The following CRIM1 variants were observed in gnomAD, a reference collection of about 807,000 sequenced individuals.
The protein encoded by CRIM1 is cysteine-rich motor neuron 1 protein.
CRIM1 carries 32 observed loss-of-function variants against 116.4 expected under a neutral mutation model. The ratio of observed to expected loss-of-function variants is 0.27; its 90% confidence interval spans 0.21 to 0.37. The LOEUF (loss-of-function observed/expected upper bound fraction) is 0.37. Among genes scored for constraint, CRIM1 ranks in the 10% least tolerant of loss-of-function variants. The probability of loss-of-function intolerance (pLI) is 1.00; values close to 1 mark genes in which losing one functional copy is unlikely to be tolerated. For missense variants in CRIM1, 1,331 were observed against 1,354.8 expected (o/e 0.98, Z 0.28); for synonymous variants, 590 against 509.2 (o/e 1.16, Z -2.13).
chr2:36,441,303 C>G lies in CRIM1; in HGVS notation c.551C>G (p.Ser184Cys), dbSNP rs1268455842. 1.2e-6 allele frequency: 2 copies of G among 1,614,104 alleles called. No individual in the cohort carries two copies. The highest frequency in any genetic ancestry group is 1.7e-6 in the Non-Finnish European group (2 of 1,180,032). ...CSKARCEVQF[S>C]PRCPEDSVLI... ...AAGGCCCGCTGTGAAGTCCAGTTCT[C>G]TCCACGTTGTCCTGAAGATTCTGTT... The change falls in exon 3 of 17, where the codon TCT (serine) becomes TGT (cysteine). Residue 184 changes from serine to cysteine, a missense_variant. This residue lies in a region of CRIM1 where 690 missense variants were observed against 676.0 expected (regional missense o/e 1.02). Transcript: ENST00000280527.
chr2:36,500,089 G>C (rs1248249996), intron 8 of CRIM1, among the ~76,000 whole-genome samples: 8 of 152,260 alleles, frequency 5.3e-5, no homozygotes, highest in African/African-American at 4.8e-5. Context: ...CACTCTGGGA[G>C]GCTAAGGCAG....
intron 8 of CRIM1, among the ~76,000 whole-genome samples, chr2:36,500,172 A>T (rs1355492076): frequency 2.6e-5 from 4 of 152,090 alleles, no homozygotes; most frequent in African/African-American, 9.7e-5. Flanking sequence ...TACCAAAAAT[A>T]CAAAAAAAAA....
chr2:36,396,329 AGTT>A (rs1477459917), intron 1 of CRIM1, among the ~76,000 whole-genome samples: 5 of 152,358 alleles, frequency 3.3e-5, no homozygotes, highest in South Asian at 2.1e-4. Context: ...AAGGCATCTC[AGTT>A]GTTGTTGTAA....
chr2:36,471,277 G>C (rs1325893285), intron 5 of CRIM1, among the ~76,000 whole-genome samples: 3 of 152,158 alleles, frequency 2.0e-5, no homozygotes, highest in South Asian at 2.1e-4. Context: ...GGGTTTTAGA[G>C]GATTGACTCC....
At chr2:36,541,049 A>G (rs559335455) in intron 14 of CRIM1, among the ~76,000 whole-genome samples, 1 of 152,246 alleles carries the variant, frequency 6.6e-6, no homozygotes, top group Admixed American at 6.5e-5. Context: ...CTTTAAGCAA[A>G]TACTGCAATC....
intron 1 of CRIM1, among the ~76,000 whole-genome samples, chr2:36,363,091 T>A (rs1254630805): frequency 2.0e-5 from 3 of 150,194 alleles, no homozygotes; most frequent in Non-Finnish European, 2.9e-5. Context: ...TCCCAGCTAC[T>A]AGGGAGGCTG....
chr2:36,487,015 T>C (rs35154827), intron 7 of CRIM1, among the ~76,000 whole-genome samples: 111 of 152,362 alleles, frequency 7.3e-4, no homozygotes, highest in African/African-American at 2.5e-3. Context: ...TTCTTTATGC[T>C]GCAACCATTG....
intron 4 of CRIM1, among the ~76,000 whole-genome samples, chr2:36,448,188 C>T (rs1676396720): frequency 6.6e-6 from 1 of 152,220 alleles, no homozygotes; most frequent in African/African-American, 2.4e-5. Context: ...AAACCGGGTC[C>T]ATTTTTAAAA....
chr2:36,432,972 C>A (rs939484950), intron 2 of CRIM1, among the ~76,000 whole-genome samples: 8 of 152,112 alleles, frequency 5.3e-5, no homozygotes, highest in Non-Finnish European at 1.2e-4. Context: ...GCATGAGAAT[C>A]ACCTCTAGGG....
At chr2:36,517,259 C>A in intron 11 of CRIM1, 68 bp from the exon 12 acceptor site, 1 of 1,286,246 alleles carries the variant, frequency 7.8e-7, no homozygotes, top group Non-Finnish European at 1.1e-6. Context: ...AAGCAAACAG[C>A]ACCAGGCTTT....
chr2:36,476,245 C>A (rs1678965707), intron 5 of CRIM1, among the ~76,000 whole-genome samples: 1 of 152,042 alleles, frequency 6.6e-6, no homozygotes, highest in Admixed American at 6.5e-5. Context: ...GTTTTGGCTT[C>A]TGTCGTTTGC....
chr2:36,363,516 A>G (rs575294818), intron 1 of CRIM1, among the ~76,000 whole-genome samples: 3 of 137,922 alleles, frequency 2.2e-5, no homozygotes, highest in East Asian at 2.2e-4. Flanking sequence ...TACTGAATTC[A>G]GCAGTCGTCG....
At chr2:36,446,974 A>T (rs943871682) in intron 4 of CRIM1, among the ~76,000 whole-genome samples, 1 of 152,270 alleles carries the variant, frequency 6.6e-6, no homozygotes, top group African/African-American at 2.4e-5. Context: ...ACATTAATGC[A>T]AATTATTTCT....
intron 2 of CRIM1, among the ~76,000 whole-genome samples, chr2:36,431,409 A>G (rs1035446477): frequency 6.6e-6 from 1 of 152,182 alleles, no homozygotes; most frequent in Non-Finnish European, 1.5e-5. Context: ...TTCTTGCTAT[A>G]TCATTTTAAT....
intron 14 of CRIM1, among the ~76,000 whole-genome samples, chr2:36,538,642 G>A (rs1666725682): frequency 6.6e-6 from 1 of 152,138 alleles, no homozygotes; most frequent in Non-Finnish European, 1.5e-5. Flanking sequence ...AGCCCCAATT[G>A]AGCATTTCTA....
At chr2:36,538,307 G>A (rs1285183676) in intron 14 of CRIM1, among the ~76,000 whole-genome samples, 1 of 151,954 alleles carries the variant, frequency 6.6e-6, no homozygotes, top group Non-Finnish European at 1.5e-5. Context: ...AGAAATGTAA[G>A]ACCTGAGCCC....
intron 12 of CRIM1, among the ~76,000 whole-genome samples, chr2:36,519,554 T>G (rs960876496): frequency 7.9e-5 from 12 of 152,356 alleles, no homozygotes; most frequent in African/African-American, 2.4e-4. Context: ...CATTGATAAG[T>G]GGCATATTAC....
At position 36,550,443 on chromosome 2, in the gene CRIM1, A is replaced by G. The variant is rs1329375466; in HGVS notation, c.*1742A>G. On this transcript the variant is annotated 3_prime_UTR_variant, in exon 17 of 17. Coordinates refer to ENST00000280527, the MANE Select transcript of CRIM1 (RefSeq NM_016441.3). ...AAAATGCTTGTTGTGAAAGACACAG[A>G]TACCCAGTATGCTTAACGTGAAAAG... The G allele has an allele frequency of 6.6e-6, 1 of 152,502 alleles. No individual in the cohort carries two copies. Among genetic ancestry groups the G allele is most frequent in the African/African-American group, 2.4e-5 (1 of 41,416 alleles). The allele number at this position is 152,502 out of a possible 1,614,324, so 9.4% of individuals were successfully genotyped here. A position where few individuals can be genotyped will look rare whatever the true frequency, so the allele number is the denominator to read the frequency against.
At chr2:36,443,040 G>A (rs1020384549) in intron 4 of CRIM1, among the ~76,000 whole-genome samples, 3 of 152,262 alleles carry the variant, frequency 2.0e-5, no homozygotes, top group African/African-American at 7.2e-5. Context: ...GAGGCAGGCA[G>A]TGAGGTGTCT....
Sources: allele counts gnomAD v4.1 joint callset (sites outside exome capture counted in the v4.1 genomes callset), GRCh38; gene constraint gnomAD v4.1.1; regional missense constraint gnomAD v4.1.1; transcripts MANE v1.5; gene names NCBI Gene and HGNC (gene_info 2026-07-23, HGNC 2026-07-21).